The following ANXA8 variants were observed in gnomAD, a reference collection of about 807,000 sequenced individuals.
ANXA8 encodes annexin A8.
ANXA8 carries 9 observed loss-of-function variants against 26.8 expected under a neutral mutation model. The observed-to-expected ratio is 0.34, with a 90% CI of 0.20 to 0.59. The LOEUF (loss-of-function observed/expected upper bound fraction) is 0.59. ANXA8 is among the 20% of genes least tolerant of loss of function. ANXA8 has a pLI of 0.84. For missense variants in ANXA8, 83 were observed against 238.5 expected (o/e 0.35, Z 4.29); for synonymous variants, 39 against 94.8 (o/e 0.41, Z 3.42).
At chr10:47,565,674 G>A in the ANXA8 span, 3 of 397,466 alleles carry the variant, frequency 7.5e-6, no homozygotes, top group Non-Finnish European at 1.3e-5. Flanking sequence ...GGCCAGCCCC[G>A]GAGCCTGGAC....
At chr10:47,947,780 T>A in the ANXA8 span, among the ~76,000 whole-genome samples, 1 of 150,474 alleles carries the variant, frequency 6.6e-6, no homozygotes, top group African/African-American at 2.5e-5. Flanking sequence ...AATTACCCAG[T>A]CTCAGGTCAT....
chr10:47,580,910 A>G, the ANXA8 span, among the ~76,000 whole-genome samples: 1 of 149,344 alleles, frequency 6.7e-6, no homozygotes, highest in African/African-American at 2.6e-5. Flanking sequence ...CCCCATCTCT[A>G]CTAAAAATAC....
chr10:47,944,825 A>T, the ANXA8 span, among the ~76,000 whole-genome samples: 2 of 148,790 alleles, frequency 1.3e-5, no homozygotes, highest in Non-Finnish European at 3.0e-5. Flanking sequence ...GCAGTGTGAG[A>T]ATGAGCTAAT....
At chr10:47,982,833 T>TAA in the ANXA8 span, among the ~76,000 whole-genome samples, 6 of 71,130 alleles carry the variant, frequency 8.4e-5, no homozygotes, top group African/African-American at 2.4e-4. Context: ...TATATATATA[T>TAA]AAAATTTGAT....
the ANXA8 span, among the ~76,000 whole-genome samples, chr10:47,724,573 G>A: frequency 7.0e-6 from 1 of 142,000 alleles, no homozygotes; most frequent in African/African-American, 2.5e-5. Context: ...TGCTCTATCA[G>A]AGAGGCCTTT....
the ANXA8 span, among the ~76,000 whole-genome samples, chr10:47,590,771 C>A: frequency 7.1e-6 from 1 of 141,758 alleles, no homozygotes; most frequent in East Asian, 2.0e-4. Context: ...CATGCCAGCC[C>A]AAATTTACCA....
At chr10:47,914,972 G>A in the ANXA8 span, among the ~76,000 whole-genome samples, 1 of 152,290 alleles carries the variant, frequency 6.6e-6, no homozygotes, top group Non-Finnish European at 1.5e-5. Flanking sequence ...AAATGTGTGA[G>A]GATCTTTGGT....
the ANXA8 span, among the ~76,000 whole-genome samples, chr10:47,581,940 C>G: frequency 6.7e-6 from 1 of 150,052 alleles, no homozygotes; most frequent in African/African-American, 2.5e-5. Flanking sequence ...CCAACATATG[C>G]TAACCAAGTG....
chr10:47,768,390 G>A, the ANXA8 span, among the ~76,000 whole-genome samples: 1 of 151,446 alleles, frequency 6.6e-6, no homozygotes, highest in African/African-American at 2.4e-5. Context: ...AAATTGATGT[G>A]TCGGTTAAGA....
At chr10:47,673,090 T>A in the ANXA8 span, among the ~76,000 whole-genome samples, 2 of 150,186 alleles carry the variant, frequency 1.3e-5, no homozygotes, top group Non-Finnish European at 2.9e-5. Context: ...AATGGCCACG[T>A]ATGGGCTGGT....
At chr10:47,683,701 G>C in the ANXA8 span, among the ~76,000 whole-genome samples, 1 of 151,518 alleles carries the variant, frequency 6.6e-6, no homozygotes, top group Admixed American at 6.6e-5. Flanking sequence ...TCAAGTTTGA[G>C]TAAGTTGCAG....
chr10:47,977,973 TATA>T, the ANXA8 span, among the ~76,000 whole-genome samples: 1 of 150,916 alleles, frequency 6.6e-6, no homozygotes, highest in African/African-American at 2.4e-5. Context: ...CTACAAGTGG[TATA>T]AAAACAAAGA....
At chr10:47,971,251 C>A in the ANXA8 span, among the ~76,000 whole-genome samples, 1 of 151,042 alleles carries the variant, frequency 6.6e-6, no homozygotes, top group Admixed American at 6.6e-5. Flanking sequence ...CGTGAGAAGG[C>A]CCGCCCTGCA....
chr10:47,693,634 C>G, the ANXA8 span, among the ~76,000 whole-genome samples: 1 of 151,796 alleles, frequency 6.6e-6, no homozygotes, highest in African/African-American at 2.4e-5. Context: ...TTGTAATGAA[C>G]AGGCTTAGCA....
the ANXA8 span, among the ~76,000 whole-genome samples, chr10:47,947,893 G>A: frequency 6.6e-6 from 1 of 150,880 alleles, no homozygotes; most frequent in Non-Finnish European, 1.5e-5. Flanking sequence ...AGGAGGCTGG[G>A]CAAAGGGTGA....
chr10:47,556,538 C>T, the ANXA8 span, among the ~76,000 whole-genome samples: 1 of 151,810 alleles, frequency 6.6e-6, no homozygotes, highest in East Asian at 1.9e-4. Flanking sequence ...CAAGATCCCC[C>T]TTTTAATGCA....
At chr10:47,480,893 C>CATCCA (rs2030464612) in intron 1 of ANXA8, among the ~76,000 whole-genome samples, 1 of 139,548 alleles carries the variant, frequency 7.2e-6, no homozygotes, top group African/African-American at 2.6e-5. Context: ...TCCATCCATC[C>CATCCA]ATCCATCCAT....
the ANXA8 span, among the ~76,000 whole-genome samples, chr10:47,714,267 T>C: frequency 5.8e-5 from 8 of 138,662 alleles, no homozygotes; most frequent in African/African-American, 7.9e-5. Flanking sequence ...TTGGAATATA[T>C]GCTTTAGTTC....
chr10:47,663,767 T>C, the ANXA8 span, among the ~76,000 whole-genome samples: 5 of 148,186 alleles, frequency 3.4e-5, no homozygotes, highest in Non-Finnish European at 7.4e-5. Context: ...TTAAGAGAAA[T>C]AATGCCTTTG....
Sources: allele counts gnomAD v4.1 joint callset (sites outside exome capture counted in the v4.1 genomes callset), GRCh38; gene constraint gnomAD v4.1.1; transcripts MANE v1.5; gene names NCBI Gene and HGNC (gene_info 2026-07-23, HGNC 2026-07-21).